ARHGEF1: variants seen among roughly 807,000 people sequenced by gnomAD.
ARHGEF1 encodes Rho guanine nucleotide exchange factor 1.
Under a neutral mutation model 119.7 loss-of-function variants are expected in ARHGEF1, and 40 were observed. The observed-to-expected ratio is 0.33, with a 90% CI of 0.26 to 0.44. ARHGEF1 has a LOEUF of 0.44. Among genes scored for constraint, ARHGEF1 ranks in the 20% least tolerant of loss-of-function variants. The probability of loss-of-function intolerance (pLI) is 1.00; values close to 1 mark genes in which losing one functional copy is unlikely to be tolerated. For synonymous variants in ARHGEF1, 494 were observed against 521.0 expected (o/e 0.95, Z 0.71); for missense variants, 976 against 1,268.3 (o/e 0.77, Z 3.50).
chr19:41,907,603 C>T (rs2074722982), downstream of ARHGEF1: 2 of 590,810 alleles, frequency 3.4e-6, no homozygotes, highest in Non-Finnish European at 5.8e-6. Context: ...AACCGTTACT[C>T]CCCAGGCACT....
intron 1 of ARHGEF1, among the ~76,000 whole-genome samples, chr19:41,926,507 G>A (rs1284348202): frequency 6.6e-6 from 1 of 152,150 alleles, no homozygotes; most frequent in Non-Finnish European, 1.5e-5. Context: ...CAGATGGTCT[G>A]CCACCTCGAT....
intron 13 of ARHGEF1, chr19:41,896,865 C>T (rs2074505249): frequency 6.3e-6 from 2 of 315,422 alleles, no homozygotes; most frequent in Non-Finnish European, 6.1e-6. Flanking sequence ...TCTCACCTAC[C>T]CCCTCCTCTC....
rs561796835 is a variant in ARHGEF1 at position 41,896,632 on chromosome 19, CCTT to C, written c.1121+157_1121+159del. ...CTCTCTGGGTCTGGCCATTCCTCTC[CCTT>C]CTTCTTTCCTTTTCTCATCTCCCTC... is the stretch of plus-strand genomic sequence containing the variant. On this transcript the variant is annotated intron_variant, in intron 13 of 28. Coordinates refer to ENST00000354532, the MANE Select transcript of ARHGEF1 (RefSeq NM_004706.4). The C allele has an allele frequency of 7.9e-4, 570 of 723,114 alleles. 4 individuals carry two copies. The highest frequency in any genetic ancestry group is 4.6e-3 in the South Asian group (311 of 67,126). The allele number at this position is 723,114 out of a possible 1,614,324, so 44.8% of individuals were successfully genotyped here. A position where few individuals can be genotyped will look rare whatever the true frequency, so the allele number is the denominator to read the frequency against.
rs1568826636 is a variant in ARHGEF1 at position 41,906,605 on chromosome 19, C to G, written c.2640C>G (p.Thr880=). Reference sequence around the variant, plus strand: ...AGAACCTGCTCAGCTTGGAGGAGACCATGAAGCAGCTGGAGGTGGGGCGGG... The same window carrying G: ...AGAACCTGCTCAGCTTGGAGGAGACGATGAAGCAGCTGGAGGTGGGGCGGG... ...IQENLLSLEE[T]MKQLEELEEE... Residue 880 remains threonine (T), a synonymous_variant, in exon 27 of 29, where the codon ACC becomes ACG. Coordinates refer to ENST00000354532, the MANE Select transcript of ARHGEF1 (RefSeq NM_004706.4). The surrounding 1 kb of genome is among the most constrained non-coding windows in gnomAD (Gnocchi z 4.5). 6.2e-7 allele frequency: 1 copy of G among 1,606,064 alleles called. No homozygotes were observed.
Position 41,904,725 on chromosome 19 carries a change from G to T in ARHGEF1, c.2162-224G>T, listed in dbSNP as rs543297725. On this transcript the variant is annotated intron_variant, in intron 22 of 28. Coordinates refer to ENST00000354532, the MANE Select transcript of ARHGEF1 (RefSeq NM_004706.4). This position sits in a 1 kb window ranked among gnomAD's most constrained non-coding sequence, Gnocchi z 8.4. ...GGGTGGGAGTGGCTGGAGGGGTTTC[G>T]TTAGGTAAGCCAGGGTACATGCCCG... Among the ~76,000 whole-genome samples, 1 of 152,090 alleles carries T rather than the reference G, an allele frequency of 6.6e-6. No individual in the cohort carries two copies. Among genetic ancestry groups the T allele is most frequent in the Non-Finnish European group, 1.5e-5 (1 of 68,018 alleles).
chr19:41,897,840 G>T (rs782624327), intron 13 of ARHGEF1: 2 of 1,184,376 alleles, frequency 1.7e-6, no homozygotes, highest in Non-Finnish European at 1.1e-6. Flanking sequence ...GTCTCTCCCC[G>T]TCTCTGTCCC....
rs1379836184 is a variant in ARHGEF1, at chr19:41,902,935, T to TC, written c.1738+38dup. The stretch of plus-strand genomic sequence containing the variant: ...CTGGATCTCTGGGCCTCGGCTCTCC[T>TC]CTTTTTTTTTTACATTTTTTTTCTC... On this transcript the variant is annotated intron_variant, in intron 18 of 28. Transcript: ENST00000354532. The surrounding 1 kb of genome is among the most constrained non-coding windows in gnomAD (Gnocchi z 6.5). The TC allele has an allele frequency of 2.7e-6, 4 of 1,488,344 alleles. No individual in the cohort carries two copies. Among genetic ancestry groups the TC allele is most frequent in the Non-Finnish European group, 3.6e-6 (4 of 1,102,442 alleles). The allele number at this position is 1,488,344 out of a possible 1,614,324, so 92.2% of individuals were successfully genotyped here.
intron 8 of ARHGEF1, among the ~76,000 whole-genome samples, 199 bp from the exon 9 acceptor site, chr19:41,894,008 C>T (rs2074428502): frequency 6.6e-6 from 1 of 151,642 alleles, no homozygotes; most frequent in Non-Finnish European, 1.5e-5. Flanking sequence ...CATTGGGTAA[C>T]AGCCCTTGCC....
At chr19:41,929,197 C>T (rs1555853639) in intron 2 of ARHGEF1, among the ~76,000 whole-genome samples, 1 of 151,980 alleles carries the variant, frequency 6.6e-6, no homozygotes, top group Non-Finnish European at 1.5e-5. Flanking sequence ...CTTCCCCAAC[C>T]CACAGCCACT....
At chr19:41,920,112 A>T (rs1466405514), upstream of ARHGEF1, among the ~76,000 whole-genome samples, 1 of 125,444 alleles carries the variant, frequency 8.0e-6, no homozygotes, top group Non-Finnish European at 1.6e-5. Flanking sequence ...ACACTCACAG[A>T]CATGACACGC....
downstream of ARHGEF1, chr19:41,909,823 A>G: frequency 6.5e-7 from 1 of 1,539,640 alleles, no homozygotes; most frequent in Non-Finnish European, 8.8e-7. This position sits in a 1 kb window ranked among gnomAD's most constrained non-coding sequence, Gnocchi z 5.2. Flanking sequence ...CAGTTGGGGG[A>G]AAAGGACAAG....
At chr19:41,928,153 T>TG (rs1216080990) in intron 1 of ARHGEF1, 2 of 146,396 alleles carry the variant, frequency 1.4e-5, no homozygotes, top group East Asian at 2.1e-4. Flanking sequence ...AGGGGCGGGG[T>TG]GGGGGGAGAT....
intron 8 of ARHGEF1, among the ~76,000 whole-genome samples, chr19:41,893,859 G>T (rs1555846845): frequency 2.1e-5 from 2 of 96,886 alleles, no homozygotes; most frequent in African/African-American, 1.4e-4. Flanking sequence ...GGAAGGGGCT[G>T]GGGGCCTGGA....
At chr19:41,910,159 TG>T (rs1424415395), downstream of ARHGEF1, 4 of 1,492,452 alleles carry the variant, frequency 2.7e-6, no homozygotes, top group Non-Finnish European at 3.6e-6. This position sits in a 1 kb window ranked among gnomAD's most constrained non-coding sequence, Gnocchi z 4.4. Flanking sequence ...CTCTGGGTCC[TG>T]CTGGACTCAG....
intron 1 of ARHGEF1, among the ~76,000 whole-genome samples, chr19:41,885,484 C>T (rs1299519865): frequency 2.0e-5 from 3 of 147,572 alleles, no homozygotes; most frequent in Middle Eastern, 3.3e-3. Flanking sequence ...ATTTTTGAGA[C>T]GAAGTCTCAC....
Position 41,892,345 on chromosome 19 carries a change from G to A in ARHGEF1, c.339G>A (p.Pro113=), listed in dbSNP as rs201880696. 119 of 1,613,946 alleles carry A rather than the reference G, an allele frequency of 7.4e-5. No homozygotes were observed. Among genetic ancestry groups the A allele is most frequent in the Admixed American group, 3.3e-4 (20 of 60,026 alleles). ...FLEKTAVLRV[P]VPPNVAFELD... is the part of the protein sequence containing the mutation. ...CTCTTGAGCAGGTTCTCCGGGTGCC[G>A]GTCCCTCCCAACGTCGCCTTTGAAC... Residue 113 remains proline (P), a synonymous_variant, in exon 6 of 29, where the codon CCG becomes CCA. Transcript: ENST00000354532. This position sits in a 1 kb window ranked among gnomAD's most constrained non-coding sequence, Gnocchi z 6.3.
At position 41,904,992 on chromosome 19, in the gene ARHGEF1, C is replaced by T. The variant is rs150472038; in HGVS notation, c.2205C>T (p.Ala735=). Residue 735 remains alanine (A), a synonymous_variant, in exon 23 of 29, where the codon GCC becomes GCT. Transcript: ENST00000354532. This position sits in a 1 kb window ranked among gnomAD's most constrained non-coding sequence, Gnocchi z 8.4. ...FYVLFTWDQE[A]QIYELVAQTV... is the part of the protein sequence containing the mutation. ...TCCTTTTTACCTGGGACCAGGAGGCCCAGATATACGAGCTGGTGGCACAGA... is the reference window on the plus strand; with the variant it reads ...TCCTTTTTACCTGGGACCAGGAGGCTCAGATATACGAGCTGGTGGCACAGA... 5 of 1,614,144 alleles carry T rather than the reference C, an allele frequency of 3.1e-6. No individual in the cohort carries two copies. The highest frequency in any genetic ancestry group is 4.2e-6 in the Non-Finnish European group (5 of 1,180,008).
At position 41,903,911 on chromosome 19, in the gene ARHGEF1, C is replaced by A; in HGVS notation, c.1918-124C>A. On this transcript the variant is annotated intron_variant, in intron 20 of 28. Transcript: ENST00000354532. The surrounding 1 kb of genome is among the most constrained non-coding windows in gnomAD (Gnocchi z 4.2). ...AGGAAGCGAGAGCTCTGTCCCCCACCTCATGCCAATCCCATGATCCCCAGC... is the reference window on the plus strand; with the variant it reads ...AGGAAGCGAGAGCTCTGTCCCCCACATCATGCCAATCCCATGATCCCCAGC... 2 of 1,352,988 alleles carry A rather than the reference C, an allele frequency of 1.5e-6. No individual in the cohort carries two copies. The highest frequency in any genetic ancestry group is 2.1e-6 in the Non-Finnish European group (2 of 959,816). 83.8% of individuals were successfully genotyped at this position (1,352,988 alleles called of 1,614,324 possible). A position where few individuals can be genotyped will look rare whatever the true frequency, so the allele number is the denominator to read the frequency against.
chr19:41,885,106 G>A (rs905903166), intron 1 of ARHGEF1, among the ~76,000 whole-genome samples: 2 of 149,812 alleles, frequency 1.3e-5, no homozygotes, highest in African/African-American at 4.9e-5. Context: ...CCCCATGCAC[G>A]CAGTGTTCCC....
Sources: gnomAD v4.1 joint callset for allele counts (sites outside exome capture counted in the v4.1 genomes callset) on GRCh38, gnomAD v4.1.1 for gene constraint, Gnocchi (gnomAD v3.1) non-coding constraint, MANE v1.5 for transcripts, NCBI Gene and HGNC (gene_info 2026-07-23, HGNC 2026-07-21) for gene names.